Variants in GPR137C observed in about 807,000 individuals in gnomAD.
GPR137C encodes integral membrane protein GPR137C.
Under a neutral mutation model 43.4 loss-of-function variants are expected in GPR137C, and 27 were observed. The ratio of observed to expected loss-of-function variants is 0.62; its 90% CI spans 0.46 to 0.86. The LOEUF (loss-of-function observed/expected upper bound fraction) is 0.86, where lower values mean the gene tolerates loss of function less well. GPR137C is among the 40% of genes least tolerant of loss of function. The probability of loss-of-function intolerance (pLI) is 0.00; values close to 1 mark genes in which losing one functional copy is unlikely to be tolerated. For synonymous variants in GPR137C, 285 were observed against 226.9 expected (o/e 1.26, Z -2.30); for missense variants, 522 against 534.6 (o/e 0.98, Z 0.23).
chr14:52,556,084 T>A (rs901113109), intron 1 of GPR137C, among the ~76,000 whole-genome samples: 5 of 152,118 alleles, frequency 3.3e-5, no homozygotes, highest in Non-Finnish European at 7.4e-5. Context: ...AATATAAGAC[T>A]TAACTGATGT....
intron 1 of GPR137C, among the ~76,000 whole-genome samples, chr14:52,575,240 T>C (rs1333651945): frequency 1.3e-5 from 2 of 152,140 alleles, no homozygotes; most frequent in African/African-American, 4.8e-5. Flanking sequence ...TTTATACTTT[T>C]TAAAAATACT....
chr14:52,553,097 G>C lies in GPR137C; in HGVS notation c.-51G>C. The C allele has an allele frequency of 9.6e-7, 1 of 1,036,450 alleles. No homozygotes were observed. Among genetic ancestry groups the C allele is most frequent in the Non-Finnish European group, 1.2e-6 (1 of 835,868 alleles). The allele number at this position is 1,036,450 out of a possible 1,614,324, so 64.2% of individuals were successfully genotyped here. ...CCTTCTCCCCTTCGACGGCGGCTCC[G>C]AGTCCAGCCCCTTCCTTCCCGCGCT... On this transcript the variant is annotated 5_prime_UTR_variant, in exon 1 of 7. Coordinates refer to ENST00000321662, the MANE Select transcript of GPR137C (RefSeq NM_001099652.2).
At chr14:52,554,097 C>T (rs988838191) in intron 1 of GPR137C, among the ~76,000 whole-genome samples, 10 of 152,196 alleles carry the variant, frequency 6.6e-5, no homozygotes, top group African/African-American at 2.4e-4. Context: ...TATATTCCCT[C>T]CTGCATCTCC....
chr14:52,637,638 A>G lies in GPR137C; in HGVS notation c.*2523A>G, dbSNP rs1244259246. 2 of 152,186 alleles carry G rather than the reference A, an allele frequency of 1.3e-5. No homozygotes were observed. Among genetic ancestry groups the G allele is most frequent in the African/African-American group, 2.4e-5 (1 of 41,460 alleles). 9.4% of individuals were successfully genotyped at this position (152,186 alleles called of 1,614,324 possible). A position where few individuals can be genotyped will look rare whatever the true frequency, so the allele number is the denominator to read the frequency against. The stretch of plus-strand genomic sequence containing the variant: ...GGTTGTAAAAGTATAGCTGTGGCCA[A>G]TGAATGTATTTATTTGTTGTTTCAC... On this transcript the variant is annotated 3_prime_UTR_variant, in exon 7 of 7. Transcript: ENST00000321662.
At chr14:52,598,700 G>A (rs571248571) in intron 2 of GPR137C, among the ~76,000 whole-genome samples, 2 of 152,272 alleles carry the variant, frequency 1.3e-5, no homozygotes, top group Non-Finnish European at 2.9e-5. Context: ...TCTCAATAGC[G>A]AGAGTGCTAA....
At chr14:52,560,170 C>A (rs2038259048) in intron 1 of GPR137C, among the ~76,000 whole-genome samples, 1 of 151,956 alleles carries the variant, frequency 6.6e-6, no homozygotes, top group African/African-American at 2.4e-5. Context: ...AACAACAATT[C>A]TACATGCAAT....
At chr14:52,581,927 C>T (rs1307391479) in intron 1 of GPR137C, among the ~76,000 whole-genome samples, 1 of 152,138 alleles carries the variant, frequency 6.6e-6, no homozygotes, top group Non-Finnish European at 1.5e-5. Context: ...ATTTCAGTAC[C>T]TACTATCTTC....
chr14:52,554,713 TA>T (rs11317587), intron 1 of GPR137C, among the ~76,000 whole-genome samples: 76,603 of 145,536 alleles, frequency 0.53, 20,379 homozygotes, highest in East Asian at 0.7. Flanking sequence ...CAAGCAAAAG[TA>T]AAAAAAAAAA....
chr14:52,632,229 T>G lies in GPR137C; in HGVS notation c.787T>G (p.Tyr263Asp). The change falls in exon 4 of 7, where the codon TAT becomes GAT. Residue 263 changes from tyrosine (Y) to aspartate (D), a missense_variant. This residue lies in a region of GPR137C where 437 missense variants were observed against 425.7 expected (regional missense o/e 1.03). Coordinates refer to ENST00000321662, the MANE Select transcript of GPR137C (RefSeq NM_001099652.2). ...TCTTCTGTACTCTTCCAGAGCTTGT[T>G]ATAATTTGGTGGTGGTCACCATATC... ...VILLYSSRAC[Y>D]NLVVVTISQD... is the part of the protein sequence containing the mutation. 1.9e-6 allele frequency: 3 copies of G among 1,609,202 alleles called. No individual in the cohort carries two copies. The South Asian group carries it at 3.3e-5, about 18-fold the overall frequency.
intron 1 of GPR137C, among the ~76,000 whole-genome samples, chr14:52,565,575 C>T (rs76221271): frequency 6.6e-6 from 1 of 152,048 alleles, no homozygotes; most frequent in African/African-American, 2.4e-5. Context: ...TTTTGCATAC[C>T]CTTCAACACC....
intron 3 of GPR137C, among the ~76,000 whole-genome samples, chr14:52,623,765 A>T (rs1032416689): frequency 6.6e-6 from 1 of 152,092 alleles, no homozygotes; most frequent in South Asian, 2.1e-4. Flanking sequence ...ACTGTCTATC[A>T]CTTTCATCTT....
At chr14:52,560,115 C>T (rs1053087947) in intron 1 of GPR137C, among the ~76,000 whole-genome samples, 2 of 152,126 alleles carry the variant, frequency 1.3e-5, no homozygotes, top group African/African-American at 2.4e-5. Context: ...CAAGGTTGCA[C>T]CACTGCACTC....
chr14:52,568,526 T>A (rs1354686520), intron 1 of GPR137C, among the ~76,000 whole-genome samples: 1 of 152,164 alleles, frequency 6.6e-6, no homozygotes, highest in African/African-American at 2.4e-5. Flanking sequence ...CCCACTCCCA[T>A]GGAGCCCAGC....
intron 3 of GPR137C, among the ~76,000 whole-genome samples, chr14:52,609,223 T>C (rs2039013116): frequency 1.3e-5 from 2 of 152,206 alleles, no homozygotes; most frequent in African/African-American, 4.8e-5. Flanking sequence ...TTCATTTCAT[T>C]CAGTGTATTT....
chr14:52,628,423 G>T (rs537099861), intron 3 of GPR137C, among the ~76,000 whole-genome samples: 1 of 152,236 alleles, frequency 6.6e-6, no homozygotes, highest in Admixed American at 6.5e-5. Context: ...CAGGGTAGTT[G>T]CAGCAGATTT....
intron 3 of GPR137C, among the ~76,000 whole-genome samples, chr14:52,617,721 A>G (rs1177964124): frequency 1.3e-5 from 2 of 152,116 alleles, no homozygotes; most frequent in African/African-American, 4.8e-5. Context: ...ATTTAGGATC[A>G]GAGAGATAAG....
intron 1 of GPR137C, among the ~76,000 whole-genome samples, chr14:52,580,720 A>T (rs2038630993): frequency 6.6e-6 from 1 of 151,036 alleles, no homozygotes; most frequent in Non-Finnish European, 1.5e-5. Flanking sequence ...ATGCAAGAAG[A>T]TATTGAATCC....
chr14:52,553,124 G>C lies in GPR137C; in HGVS notation c.-24G>C. The C allele has an allele frequency of 8.7e-7, 1 of 1,155,296 alleles. No homozygotes were observed. Among genetic ancestry groups the C allele is most frequent in the Non-Finnish European group, 1.1e-6 (1 of 938,816 alleles). The allele number at this position is 1,155,296 out of a possible 1,614,324, so 71.6% of individuals were successfully genotyped here. A position where few individuals can be genotyped will look rare whatever the true frequency, so the allele number is the denominator to read the frequency against. On this transcript the variant is annotated 5_prime_UTR_variant, in exon 1 of 7. Transcript: ENST00000321662. ...GTCCAGCCCCTTCCTTCCCGCGCTC[G>C]CTCGCCCGGCCCCCAGCCCCCTCAT...
rs577630846 is a variant in GPR137C at position 52,606,810 on chromosome 14, A to G, written c.717+6469A>G. On this transcript the variant is annotated intron_variant, in intron 3 of 6. Coordinates refer to ENST00000321662, the MANE Select transcript of GPR137C (RefSeq NM_001099652.2). ...TTCATTTATTTCTGCTTTAATCTTC[A>G]TTATTTCTTTCCTTCTACTAATTTT... Among the ~76,000 whole-genome samples the G allele has an allele frequency of 2.6e-4, 39 of 151,122 alleles. 1 individual carries two copies. In the South Asian group the frequency reaches 5.2e-3, roughly 20 times the overall value.
Sources: gnomAD v4.1 joint callset for allele counts (sites outside exome capture counted in the v4.1 genomes callset) on GRCh38, gnomAD v4.1.1 for gene constraint, gnomAD v4.1.1 regional missense constraint, MANE v1.5 for transcripts, NCBI Gene and HGNC (gene_info 2026-07-23, HGNC 2026-07-21) for gene names.